Variants in CKAP2 observed in about 807,000 individuals in gnomAD.
CKAP2 encodes cytoskeleton-associated protein 2.
Under a neutral mutation model 58.4 loss-of-function variants are expected in CKAP2, and 46 were observed. That is an observed-to-expected ratio of 0.79 (90% confidence interval 0.62 to 1.01). The LOEUF is 1.01. Ranked by LOEUF, CKAP2 falls within the 50% of genes least tolerant of loss-of-function variation. The pLI, the probability that CKAP2 is intolerant of heterozygous loss-of-function variation, is 0.00. For synonymous variants in CKAP2, 293 were observed against 280.9 expected (o/e 1.04, Z -0.43); for missense variants, 809 against 796.4 (o/e 1.02, Z -0.19).
chr13:52,458,692 G>T (rs536096088), intron 2 of CKAP2, among the ~76,000 whole-genome samples: 16 of 152,038 alleles, frequency 1.1e-4, no homozygotes, highest in Middle Eastern at 3.4e-3. Flanking sequence ...GTGAAACCCC[G>T]TCTCTACTAA....
chr13:52,474,507 GAA>G (rs1315692646), intron 8 of CKAP2, among the ~76,000 whole-genome samples: 1 of 152,014 alleles, frequency 6.6e-6, no homozygotes, highest in Non-Finnish European at 1.5e-5. Context: ...AAAGAAAACA[GAA>G]AAGTTTTTAA....
chr13:52,460,873 C>T, intron 2 of CKAP2, 26 bp from the exon 3 acceptor site: 1 of 1,602,254 alleles, frequency 6.2e-7, no homozygotes, highest in Non-Finnish European at 8.5e-7. Flanking sequence ...ATTGATTGAT[C>T]ATTTTGTTTG....
intron 2 of CKAP2, among the ~76,000 whole-genome samples, chr13:52,460,549 A>G (rs1332868728): frequency 6.7e-6 from 1 of 149,776 alleles, no homozygotes; most frequent in Non-Finnish European, 1.5e-5. Flanking sequence ...GGTTCATGCC[A>G]TTCTCCTTCC....
At chr13:52,458,633 C>T (rs1487125123) in intron 2 of CKAP2, among the ~76,000 whole-genome samples, 1 of 152,072 alleles carries the variant, frequency 6.6e-6, no homozygotes, top group Non-Finnish European at 1.5e-5. Flanking sequence ...GAGGCTGAGG[C>T]GGGTGTATCA....
In CKAP2 at chr13:52,474,052, A is replaced by G. The variant is rs1285036711; in HGVS notation, c.1770A>G (p.Lys590=). ...NTETRTSCLI[K]YNVSTTPYLQ... ...AAACGAGGACAAGTTGCTTAATTAA[A>G]TATAATGTGTCTACTACGCCATACT... Residue 590 remains lysine (K), a synonymous_variant, in exon 8 of 9, where the codon AAA becomes AAG. Transcript: ENST00000258607. The G allele has an allele frequency of 6.2e-7, 1 of 1,613,958 alleles. No individual in the cohort carries two copies. The highest frequency in any genetic ancestry group is 2.2e-5 in the East Asian group (1 of 44,856).
rs1487383519 is a variant in CKAP2 at position 52,461,437 on chromosome 13, C to T, written c.611C>T (p.Thr204Ile). 2 of 1,614,144 alleles carry T rather than the reference C, an allele frequency of 1.2e-6. No individual in the cohort carries two copies. The highest frequency in any genetic ancestry group is 1.7e-6 in the Non-Finnish European group (2 of 1,180,014). Residue 204 changes from threonine (T) to isoleucine (I), a missense_variant, in exon 4 of 9, where the codon ACA becomes ATA. Transcript: ENST00000258607. ...LQVKDESSAA[T>I]KKLSATIPKA... ...GTCAAAGATGAGAGTTCTGCAGCAACAAAGAAACTTTCAGCCACTATACCT... is the reference window on the plus strand; with the variant it reads ...GTCAAAGATGAGAGTTCTGCAGCAATAAAGAAACTTTCAGCCACTATACCT...
chr13:52,455,996 T>C (rs1355855971), intron 1 of CKAP2: 1 of 1,075,142 alleles, frequency 9.3e-7, no homozygotes, highest in Non-Finnish European at 1.1e-6. Context: ...GTCCTCCGCC[T>C]CTTAGGTCCC....
At chr13:52,466,951 A>G (rs947401108) in intron 6 of CKAP2, among the ~76,000 whole-genome samples, 2 of 151,766 alleles carry the variant, frequency 1.3e-5, no homozygotes, top group African/African-American at 2.4e-5. Context: ...TAAAATTTTT[A>G]AAGTTTTTTT....
chr13:52,456,487 T>G, intron 1 of CKAP2, 36 bp from the exon 2 acceptor site: 1 of 1,445,788 alleles, frequency 6.9e-7, no homozygotes, highest in Non-Finnish European at 9.6e-7. Flanking sequence ...ATGTTTTAAC[T>G]AATATTGACT....
chr13:52,455,635 C>T lies in CKAP2; in HGVS notation c.70+9C>T, dbSNP rs935600394. On this transcript the variant is annotated intron_variant, in intron 1 of 8. Transcript: ENST00000258607. ...GCAGTCCGCATTCAAAGGTGAAGGC[C>T]GCGGTGGCGGTGGCGGTGGCGGTGG... is the stretch of plus-strand genomic sequence containing the variant. 1 of 1,560,066 alleles carries T rather than the reference C, an allele frequency of 6.4e-7. No homozygotes were observed. The highest frequency in any genetic ancestry group is 1.4e-5 in the African/African-American group (1 of 70,046).
intron 6 of CKAP2, among the ~76,000 whole-genome samples, chr13:52,467,815 GT>G (rs1178927283): frequency 3.5e-4 from 51 of 143,780 alleles, no homozygotes; most frequent in African/African-American, 6.3e-4. Context: ...TTTTGTTTTT[GT>G]TTTTTTTTTT....
chr13:52,463,645 C>T (rs527619289), intron 5 of CKAP2, among the ~76,000 whole-genome samples: 31 of 152,164 alleles, frequency 2.0e-4, no homozygotes, highest in South Asian at 4.1e-4. Context: ...TATTTTACAC[C>T]GTGTTTTATT....
chr13:52,455,894 C>T, intron 1 of CKAP2: 2 of 1,087,250 alleles, frequency 1.8e-6, no homozygotes, highest in Middle Eastern at 3.5e-4. Flanking sequence ...AGGGGAAACG[C>T]GCGGGCCTCA....
chr13:52,466,776 C>G (rs147230476), intron 6 of CKAP2, among the ~76,000 whole-genome samples: 2,603 of 152,136 alleles, frequency 0.017, 74 homozygotes, highest in Admixed American at 0.08. Flanking sequence ...AGTTTGAGTC[C>G]AGCCTGGGCA....
chr13:52,459,413 C>G (rs934349538), intron 2 of CKAP2, among the ~76,000 whole-genome samples: 1 of 152,086 alleles, frequency 6.6e-6, no homozygotes, highest in Non-Finnish European at 1.5e-5. Flanking sequence ...ACCTCTGCCT[C>G]GTGGGTTCAA....
rs1419464482 is a variant in CKAP2, at chr13:52,461,456, T to C, written c.630T>C (p.Thr210=). 6.2e-7 allele frequency: 1 copy of C among 1,614,182 alleles called. No individual in the cohort carries two copies. Among genetic ancestry groups the C allele is most frequent in the Admixed American group, 1.7e-5 (1 of 60,020 alleles). The change falls in exon 4 of 9, where the codon ACT becomes ACC. Residue 210 remains threonine, a synonymous_variant. Coordinates refer to ENST00000258607, the MANE Select transcript of CKAP2 (RefSeq NM_018204.5). ...CAGCAACAAAGAAACTTTCAGCCAC[T>C]ATACCTAAAGCCACAAAACCTCAGC... ...SSAATKKLSA[T]IPKATKPQPV...
intron 2 of CKAP2, among the ~76,000 whole-genome samples, chr13:52,457,532 A>G (rs1403527896): frequency 6.6e-6 from 1 of 152,144 alleles, no homozygotes; most frequent in Non-Finnish European, 1.5e-5. Flanking sequence ...AGGTCCCCTC[A>G]CTCTCTAGGG....
intron 7 of CKAP2, 200 bp from the exon 8 acceptor site, chr13:52,473,629 T>C (rs1039799713): frequency 2.0e-6 from 1 of 489,000 alleles, no homozygotes; most frequent in Middle Eastern, 5.4e-4. Context: ...TCTTATTTCA[T>C]ATATAGCATT....
rs759552428 is a variant in CKAP2 at position 52,456,586 on chromosome 13, A to G, written c.134A>G (p.Gln45Arg). 3 of 1,613,408 alleles carry G rather than the reference A, an allele frequency of 1.9e-6. No homozygotes were observed. The Admixed American group carries it at 5.0e-5, about 27-fold the overall frequency. The change falls in exon 2 of 9, where the codon CAG (glutamine) becomes CGG (arginine). Residue 45 changes from glutamine to arginine, a missense_variant. Physicochemically the swap from Gln to Arg is conservative, Grantham distance 43 (BLOSUM62 1). This residue lies in a region of CKAP2 where 523 missense variants were observed against 492.4 expected (regional missense o/e 1.06). Coordinates refer to ENST00000258607, the MANE Select transcript of CKAP2 (RefSeq NM_018204.5). The part of the protein sequence containing the change: ...LRRKTLFAYK[Q>R]ENEMLSSRDQ... ...AGAAAAACGCTTTTTGCATACAAGC[A>G]GGAAAATGAGATGTTATCCAGGTAA...
Sources: gnomAD v4.1 joint callset for allele counts (sites outside exome capture counted in the v4.1 genomes callset) on GRCh38, gnomAD v4.1.1 for gene constraint, gnomAD v4.1.1 regional missense constraint, MANE v1.5 for transcripts, NCBI Gene and HGNC (gene_info 2026-07-23, HGNC 2026-07-21) for gene names.